RB1: variants seen among roughly 807,000 people sequenced by gnomAD.
RB1 encodes the protein RB transcriptional corepressor 1.
A neutral mutation model predicts 135.4 loss-of-function variants in RB1; 18 were observed. The observed-to-expected ratio is 0.13, with a 90% CI of 0.09 to 0.20. RB1 has a LOEUF of 0.20. RB1 is among the 10% of genes least tolerant of loss of function. The pLI is 1.00. For missense variants in RB1, 868 were observed against 1,110.0 expected, an observed-to-expected ratio of 0.78 and a Z score of 3.10; for synonymous variants, 365 against 373.2, an observed-to-expected ratio of 0.98 and a Z score of 0.25.
chr13:48,359,569 CTAAT>C (rs1878998299), intron 6 of RB1, among the ~76,000 whole-genome samples: 1 of 146,326 alleles, frequency 6.8e-6, no homozygotes, highest in South Asian at 2.1e-4. Context: ...AATTTGAATT[CTAAT>C]TATTATAATA....
At chr13:48,351,290 A>T (rs867556372) in intron 6 of RB1, among the ~76,000 whole-genome samples, 1 of 152,116 alleles carries the variant, frequency 6.6e-6, no homozygotes, top group African/African-American at 2.4e-5. Flanking sequence ...CTGGTGTGAG[A>T]TGATATCTCA....
At position 48,303,909 on chromosome 13, in the gene RB1, C is replaced by G; in HGVS notation, c.-4C>G. 6.6e-7 allele frequency: 1 copy of G among 1,515,568 alleles called. No homozygotes were observed. Among genetic ancestry groups the G allele is most frequent in the Non-Finnish European group, 8.8e-7 (1 of 1,138,984 alleles). The allele number at this position is 1,515,568 out of a possible 1,614,324, so 93.9% of individuals were successfully genotyped here. On this transcript the variant is annotated 5_prime_UTR_variant, in exon 1 of 27. Transcript: ENST00000267163. ...CTCGCTGGCTCCCGCCGCGGAAAGG[C>G]GTCATGCCGCCCAAAACCCCCCGAA...
intron 6 of RB1, among the ~76,000 whole-genome samples, chr13:48,351,785 T>C (rs2138097427): frequency 6.6e-6 from 1 of 152,166 alleles, no homozygotes; most frequent in African/African-American, 2.4e-5. Flanking sequence ...GTGATTATCT[T>C]GCCTCAGCCT....
At chr13:48,433,898 T>C (rs1192847726) in intron 17 of RB1, among the ~76,000 whole-genome samples, 1 of 151,850 alleles carries the variant, frequency 6.6e-6, no homozygotes, top group Non-Finnish European at 1.5e-5. Flanking sequence ...TATACATATA[T>C]ACTTTTTTTC....
intron 17 of RB1, among the ~76,000 whole-genome samples, chr13:48,407,899 G>A (rs1051898259): frequency 2.6e-5 from 4 of 152,070 alleles, no homozygotes; most frequent in Admixed American, 1.3e-4. Flanking sequence ...ATTTAGGCAC[G>A]AAAAAAGTTT....
At chr13:48,445,531 T>A (rs1282584900) in intron 17 of RB1, among the ~76,000 whole-genome samples, 1 of 152,182 alleles carries the variant, frequency 6.6e-6, no homozygotes, top group Admixed American at 6.5e-5. Flanking sequence ...TGATCTTTCA[T>A]CTTTTGGAAG....
At chr13:48,435,993 CTA>C (rs1949179395) in intron 17 of RB1, among the ~76,000 whole-genome samples, 1 of 152,150 alleles carries the variant, frequency 6.6e-6, no homozygotes, top group African/African-American at 2.4e-5. Context: ...AAACCCAACT[CTA>C]TGCTATCTAA....
chr13:48,397,797 T>G (rs1269604733), intron 17 of RB1, among the ~76,000 whole-genome samples: 1 of 152,190 alleles, frequency 6.6e-6, no homozygotes, highest in Non-Finnish European at 1.5e-5. Flanking sequence ...TTTAAGCTTT[T>G]TTGGTATTCT....
At chr13:48,361,590 CAATA>C (rs1304907732) in intron 7 of RB1, among the ~76,000 whole-genome samples, 2 of 152,106 alleles carry the variant, frequency 1.3e-5, no homozygotes, top group Non-Finnish European at 2.9e-5. Flanking sequence ...ACCTACAAAT[CAATA>C]AATAGTGACT....
At chr13:48,462,407 G>A (rs570458449) in intron 20 of RB1, among the ~76,000 whole-genome samples, 1 of 152,322 alleles carries the variant, frequency 6.6e-6, no homozygotes, top group South Asian at 2.1e-4. Flanking sequence ...TTACAGGCAT[G>A]AGCCACCATG....
intron 19 of RB1, 113 bp downstream of exon 19, chr13:48,456,462 T>G: frequency 1.5e-5 from 21 of 1,378,776 alleles, no homozygotes; most frequent in Non-Finnish European, 1.8e-5. Flanking sequence ...TTAATATCTC[T>G]GTGTCTCAGT....
chr13:48,384,673 A>C (rs112721284), intron 17 of RB1, among the ~76,000 whole-genome samples: 1 of 152,064 alleles, frequency 6.6e-6, no homozygotes, highest in African/African-American at 2.4e-5. Flanking sequence ...GAAATTTCAA[A>C]TGAGGTGCTG....
chr13:48,339,607 C>A (rs997024401), intron 2 of RB1, among the ~76,000 whole-genome samples: 3 of 152,180 alleles, frequency 2.0e-5, no homozygotes, highest in Non-Finnish European at 4.4e-5. Context: ...AATTCCGTGA[C>A]CCCCTGTGCT....
At chr13:48,375,140 T>C (rs537778405) in intron 12 of RB1, among the ~76,000 whole-genome samples, 2 of 152,210 alleles carry the variant, frequency 1.3e-5, no homozygotes, top group African/African-American at 4.8e-5. Flanking sequence ...GTTGATTCCA[T>C]GTCTTTGCTA....
intron 1 of RB1, among the ~76,000 whole-genome samples, chr13:48,305,865 G>C (rs748409367): frequency 6.6e-6 from 1 of 152,214 alleles, no homozygotes; most frequent in Non-Finnish European, 1.5e-5. Context: ...CCTGATTTGA[G>C]AGTTTAGATC....
At chr13:48,328,458 A>T in intron 2 of RB1, 1 of 970,374 alleles carries the variant, frequency 1.0e-6, no homozygotes, top group Non-Finnish European at 1.7e-6. Context: ...TCTTCAGCTG[A>T]TCGCTTCTCA....
At position 48,319,569 on chromosome 13, in the gene RB1, G is replaced by T; in HGVS notation, c.264+12163G>T. On this transcript the variant is annotated intron_variant, in intron 2 of 26. Coordinates refer to ENST00000267163, the MANE Select transcript of RB1 (RefSeq NM_000321.3). This position sits in a 1 kb window ranked among gnomAD's most constrained non-coding sequence, Gnocchi z 5.0. ...GTTCTCCTGCTTGGTCGTGACCCTGGACTTGAGGCTTCTGGGCTGCACGTT... is the reference window on the plus strand; with the variant it reads ...GTTCTCCTGCTTGGTCGTGACCCTGTACTTGAGGCTTCTGGGCTGCACGTT... The T allele has an allele frequency of 3.9e-6, 1 of 257,040 alleles. No homozygotes were observed. Among genetic ancestry groups the T allele is most frequent in the South Asian group, 4.9e-5 (1 of 20,500 alleles). The allele number at this position is 257,040 out of a possible 1,614,324, so 15.9% of individuals were successfully genotyped here. A position where few individuals can be genotyped will look rare whatever the true frequency, so the allele number is the denominator to read the frequency against.
chr13:48,325,931 C>T (rs1952283533), intron 2 of RB1, among the ~76,000 whole-genome samples: 1 of 152,052 alleles, frequency 6.6e-6, no homozygotes, highest in Admixed American at 6.5e-5. Flanking sequence ...AGTCTTTGCT[C>T]ATAGAATAGT....
chr13:48,458,306 G>A (rs1056774323), intron 19 of RB1, among the ~76,000 whole-genome samples: 5 of 152,148 alleles, frequency 3.3e-5, no homozygotes, highest in African/African-American at 1.2e-4. Context: ...TATATGGTGG[G>A]GTGGGGAGGT....
Sources: gnomAD v4.1 joint callset for allele counts (sites outside exome capture counted in the v4.1 genomes callset) on GRCh38, gnomAD v4.1.1 for gene constraint, Gnocchi (gnomAD v3.1) non-coding constraint, MANE v1.5 for transcripts, NCBI Gene and HGNC (gene_info 2026-07-23, HGNC 2026-07-21) for gene names.